CAST: variants seen among roughly 807,000 people sequenced by gnomAD.
CAST encodes MIR583 host.
CAST carries 76 observed loss-of-function variants against 119.6 expected under a neutral mutation model. That is an observed-to-expected ratio of 0.64 (90% confidence interval 0.53 to 0.77). The LOEUF (loss-of-function observed/expected upper bound fraction) is 0.77. CAST is among the 30% of genes least tolerant of loss of function. CAST has a pLI of 0.00. For missense variants in CAST, 953 were observed against 946.5 expected, an observed-to-expected ratio of 1.01 and a Z score of -0.09; for synonymous variants, 319 against 331.6, an observed-to-expected ratio of 0.96 and a Z score of 0.41.
chr5:96,688,767 A>C (rs1415259600), intron 2 of CAST, among the ~76,000 whole-genome samples: 1 of 152,182 alleles, frequency 6.6e-6, no homozygotes, highest in African/African-American at 2.4e-5. Flanking sequence ...TTTTAATCTT[A>C]AGTGTATTTA....
chr5:95,996,342 G>C, the CAST span, among the ~76,000 whole-genome samples: 1 of 152,134 alleles, frequency 6.6e-6, no homozygotes, highest in Non-Finnish European at 1.5e-5. Context: ...AGCTGTCGCT[G>C]CAAGGCCATC....
At chr5:96,499,990 G>C in the CAST span, among the ~76,000 whole-genome samples, 4 of 152,236 alleles carry the variant, frequency 2.6e-5, no homozygotes, top group African/African-American at 9.6e-5. Flanking sequence ...AGGGAATAGG[G>C]AGACCAGAGG....
intron 1 of CAST, among the ~76,000 whole-genome samples, chr5:96,591,291 G>C (rs1746957869): frequency 6.6e-6 from 1 of 152,214 alleles, no homozygotes; most frequent in African/African-American, 2.4e-5. Context: ...CACAGATTCT[G>C]ATGAATGGAA....
At chr5:96,719,010 G>A (rs1248537355) in intron 3 of CAST, among the ~76,000 whole-genome samples, 8 of 152,174 alleles carry the variant, frequency 5.3e-5, no homozygotes, top group African/African-American at 9.7e-5. Context: ...CCAGTGGGAG[G>A]TGCCTGGCAA....
At chr5:96,689,464 G>T (rs1752470731) in intron 2 of CAST, among the ~76,000 whole-genome samples, 1 of 152,202 alleles carries the variant, frequency 6.6e-6, no homozygotes. Context: ...GAAAGGAAGA[G>T]AATACCGTAA....
intron 1 of CAST, among the ~76,000 whole-genome samples, chr5:96,635,069 A>G (rs1747869231): frequency 6.6e-6 from 1 of 152,228 alleles, no homozygotes; most frequent in South Asian, 2.1e-4. Flanking sequence ...GACCTTGAAC[A>G]CTGGGTAGAA....
At chr5:96,125,451 A>T in the CAST span, among the ~76,000 whole-genome samples, 3 of 152,176 alleles carry the variant, frequency 2.0e-5, no homozygotes, top group African/African-American at 7.2e-5. Context: ...GAGGCATTGG[A>T]TCAGATGTGC....
At chr5:95,980,081 G>T in the CAST span, among the ~76,000 whole-genome samples, 4 of 152,070 alleles carry the variant, frequency 2.6e-5, no homozygotes, top group African/African-American at 9.7e-5. Context: ...TCACACCATC[G>T]CACTCTAACC....
the CAST span, among the ~76,000 whole-genome samples, chr5:96,445,124 G>T: frequency 1.3e-5 from 2 of 152,224 alleles, no homozygotes; most frequent in Non-Finnish European, 2.9e-5. Context: ...TGCACTCACT[G>T]TGCCTCACTT....
the CAST span, among the ~76,000 whole-genome samples, chr5:96,473,818 G>A: frequency 6.6e-6 from 1 of 152,192 alleles, no homozygotes; most frequent in African/African-American, 2.4e-5. Context: ...AAAGCAGAAG[G>A]GAAGAGGGGA....
chr5:96,557,305 C>G (rs564078743), intron 1 of CAST, among the ~76,000 whole-genome samples: 13 of 151,906 alleles, frequency 8.6e-5, no homozygotes, highest in African/African-American at 3.1e-4. Flanking sequence ...CATCAACTAA[C>G]GAGCAAAATA....
At chr5:96,526,824 A>T (rs753966029), upstream of CAST, among the ~76,000 whole-genome samples, 1 of 152,230 alleles carries the variant, frequency 6.6e-6, no homozygotes, top group Non-Finnish European at 1.5e-5. Flanking sequence ...ACCCAGGAAA[A>T]AGAGACACAC....
intron 1 of CAST, among the ~76,000 whole-genome samples, chr5:96,585,813 G>T (rs1746849424): frequency 6.6e-6 from 1 of 152,152 alleles, no homozygotes; most frequent in Admixed American, 6.5e-5. Context: ...GCCAAGCAAT[G>T]GTTTTTGAAA....
the CAST span, among the ~76,000 whole-genome samples, chr5:96,436,870 G>A: frequency 7.9e-5 from 12 of 152,234 alleles, no homozygotes; most frequent in South Asian, 8.3e-4. Flanking sequence ...ATCTCCTCCC[G>A]TGACCAAATT....
At chr5:96,328,373 TTCTCTCTCCCTCTCTCTCTCTC>T in the CAST span, among the ~76,000 whole-genome samples, 225 of 93,882 alleles carry the variant, frequency 2.4e-3, 4 homozygotes, top group Middle Eastern at 6.5e-3. Context: ...CTGTCTTTCC[TTCTCTCTCCCTCTCTCTCTCTC>T]TCTCTCTCTC....
At chr5:96,355,246 G>T in the CAST span, among the ~76,000 whole-genome samples, 2 of 127,230 alleles carry the variant, frequency 1.6e-5, no homozygotes, top group East Asian at 2.4e-4. Context: ...TGTTCTCCTT[G>T]TTCAACTCCC....
At position 96,746,444 on chromosome 5, in the gene CAST, T is replaced by C; in HGVS notation, c.1284+19T>C. 1 of 1,398,034 alleles carries C rather than the reference T, an allele frequency of 7.2e-7. No individual in the cohort carries two copies. The highest frequency in any genetic ancestry group is 1.8e-4 in the Middle Eastern group (1 of 5,636). 86.6% of individuals were successfully genotyped at this position (1,398,034 alleles called of 1,614,324 possible). ...AGCCACGGTAAATTTTTAGCCACAGTGCATGACAACAGCATCTTGCCTTTG... is the reference window on the plus strand; with the variant it reads ...AGCCACGGTAAATTTTTAGCCACAGCGCATGACAACAGCATCTTGCCTTTG... On this transcript the variant is annotated intron_variant, in intron 17 of 31. Coordinates refer to ENST00000675179, the MANE Select transcript of CAST (RefSeq NM_001750.7).
chr5:96,151,372 G>A, the CAST span, among the ~76,000 whole-genome samples: 2 of 152,186 alleles, frequency 1.3e-5, no homozygotes, highest in Non-Finnish European at 2.9e-5. Context: ...GAGGTAGTGT[G>A]TGCCTGTAGT....
At chr5:96,523,311 A>C (rs1745546477), upstream of CAST, among the ~76,000 whole-genome samples, 1 of 152,246 alleles carries the variant, frequency 6.6e-6, no homozygotes, top group African/African-American at 2.4e-5. Context: ...CAGGACCCCA[A>C]GCTGTGTGGA....
Sources: allele counts gnomAD v4.1 joint callset (sites outside exome capture counted in the v4.1 genomes callset), GRCh38; gene constraint gnomAD v4.1.1; transcripts MANE v1.5; gene names NCBI Gene and HGNC (gene_info 2026-07-23, HGNC 2026-07-21).